Variants in DAB1 observed in about 807,000 individuals in gnomAD.
DAB1 encodes DAB adaptor protein 1.
DAB1 carries 15 observed loss-of-function variants against 64.6 expected under a neutral mutation model. That is an observed-to-expected ratio of 0.23 (90% CI 0.16 to 0.36). The LOEUF (loss-of-function observed/expected upper bound fraction) is 0.36. Ranked by LOEUF, DAB1 falls within the 10% of genes least tolerant of loss-of-function variation. The probability of loss-of-function intolerance (pLI) is 1.00; values close to 1 mark genes in which losing one functional copy is unlikely to be tolerated. For missense variants in DAB1, 596 were observed against 706.7 expected (o/e 0.84, Z 1.78); for synonymous variants, 235 against 251.9 (o/e 0.93, Z 0.64).
intron 6 of DAB1, among the ~76,000 whole-genome samples, chr1:57,715,948 T>C (rs1647079128): frequency 1.3e-5 from 2 of 152,236 alleles, no homozygotes; most frequent in Admixed American, 1.3e-4. Context: ...TCTTGCCTTG[T>C]TGCCCAGGCT....
intron 1 of DAB1, among the ~76,000 whole-genome samples, chr1:57,854,813 A>G (rs1251519380): frequency 6.6e-6 from 1 of 152,138 alleles, no homozygotes; most frequent in Non-Finnish European, 1.5e-5. Flanking sequence ...AGAGACAGGG[A>G]ATTTAAAACA....
intron 4 of DAB1, among the ~76,000 whole-genome samples, chr1:58,225,627 C>T (rs1181284290): frequency 7.0e-6 from 1 of 143,084 alleles, no homozygotes; most frequent in Non-Finnish European, 1.5e-5. Flanking sequence ...GAATACTATG[C>T]AGCCATAAAA....
At chr1:58,342,746 C>G (rs1643954007) in intron 4 of DAB1, among the ~76,000 whole-genome samples, 1 of 152,148 alleles carries the variant, frequency 6.6e-6, no homozygotes, top group Admixed American at 6.6e-5. Flanking sequence ...CCCTTTCCAT[C>G]AAAACATATT....
chr1:58,240,665 A>G (rs1660253319), intron 4 of DAB1, among the ~76,000 whole-genome samples: 1 of 152,208 alleles, frequency 6.6e-6, no homozygotes, highest in Non-Finnish European at 1.5e-5. Context: ...AGTTGTAAAC[A>G]AAGAAAGAAA....
At chr1:58,210,117 G>C (rs1658480857) in intron 4 of DAB1, among the ~76,000 whole-genome samples, 2 of 152,144 alleles carry the variant, frequency 1.3e-5, no homozygotes, top group South Asian at 4.1e-4. Context: ...AACAACTCTT[G>C]AGGTTGATAT....
At chr1:57,138,493 A>G (rs1227014640) in intron 3 of DAB1, among the ~76,000 whole-genome samples, 1 of 152,136 alleles carries the variant, frequency 6.6e-6, no homozygotes, top group Non-Finnish European at 1.5e-5. Flanking sequence ...AAGCTGCTCC[A>G]TATTGATATA....
intron 1 of DAB1, among the ~76,000 whole-genome samples, chr1:57,300,716 A>G (rs868435036): frequency 2.6e-5 from 4 of 152,322 alleles, no homozygotes; most frequent in African/African-American, 7.2e-5. Context: ...GGAGGCCCGA[A>G]GAAAATCCAC....
rs927311714 is a variant in DAB1 at position 57,873,541 on chromosome 1, G to T, written n.87+10458C>A. On this transcript the variant is annotated intron_variant and non_coding_transcript_variant, in intron 1 of 1. Coordinates refer to the DAB1 transcript ENST00000477280. ...GGTGGCATTTAATCTTGAAATTGTA[G>T]ATGGGTACAATTTAGCCTTGCAGAA... is the stretch of plus-strand genomic sequence containing the variant. Among the ~76,000 whole-genome samples, 3 of 152,204 alleles carry T rather than the reference G, an allele frequency of 2.0e-5. No individual in the cohort carries two copies. The South Asian group carries it at 6.2e-4, about 32-fold the overall frequency.
At chr1:58,143,404 T>G (rs1419147185) in intron 5 of DAB1, among the ~76,000 whole-genome samples, 1 of 152,196 alleles carries the variant, frequency 6.6e-6, no homozygotes, top group Non-Finnish European at 1.5e-5. Context: ...AAGATTATGC[T>G]ACATAACAGC....
chr1:57,636,451 T>A (rs1646058727), intron 7 of DAB1, among the ~76,000 whole-genome samples: 1 of 152,168 alleles, frequency 6.6e-6, no homozygotes, highest in Admixed American at 6.5e-5. Context: ...GGAGGACATT[T>A]GAAAGGATAC....
At chr1:58,000,216 T>C (rs1269920125) in intron 5 of DAB1, among the ~76,000 whole-genome samples, 1 of 152,202 alleles carries the variant, frequency 6.6e-6, no homozygotes, top group Non-Finnish European at 1.5e-5. Context: ...AAGTCTTCAG[T>C]GTATCATACT....
At chr1:57,541,108 T>C (rs1168396744) in intron 7 of DAB1, among the ~76,000 whole-genome samples, 2 of 151,600 alleles carry the variant, frequency 1.3e-5, no homozygotes, top group Admixed American at 6.6e-5. Context: ...ACAAACATTA[T>C]GTATCAAAAA....
At chr1:57,554,338 A>T (rs1162184153) in intron 7 of DAB1, among the ~76,000 whole-genome samples, 3 of 152,302 alleles carry the variant, frequency 2.0e-5, no homozygotes, top group Admixed American at 6.5e-5. Flanking sequence ...AGTCGCTTGA[A>T]TTTTCCTAGC....
intron 5 of DAB1, among the ~76,000 whole-genome samples, chr1:58,054,591 C>T (rs1279896210): frequency 1.3e-5 from 2 of 152,232 alleles, no homozygotes; most frequent in East Asian, 3.8e-4. Flanking sequence ...CCATTATCAG[C>T]TCATTGGCTG....
intron 4 of DAB1, among the ~76,000 whole-genome samples, chr1:58,292,003 A>G (rs1188457538): frequency 6.6e-6 from 1 of 152,216 alleles, no homozygotes; most frequent in African/African-American, 2.4e-5. Flanking sequence ...AGCATCATTC[A>G]ATCCATTGAG....
intron 7 of DAB1, among the ~76,000 whole-genome samples, chr1:57,582,078 A>G (rs1215718707): frequency 6.6e-6 from 1 of 152,176 alleles, no homozygotes; most frequent in Non-Finnish European, 1.5e-5. Context: ...TACTCTTAAA[A>G]GGGCACTAAT....
intron 6 of DAB1, among the ~76,000 whole-genome samples, chr1:57,796,625 T>C (rs1301454705): frequency 6.6e-6 from 1 of 151,816 alleles, no homozygotes; most frequent in Non-Finnish European, 1.5e-5. Context: ...TAATATAGTG[T>C]CCAGATACAC....
At chr1:58,018,988 T>G (rs1646780673) in intron 5 of DAB1, among the ~76,000 whole-genome samples, 1 of 152,148 alleles carries the variant, frequency 6.6e-6, no homozygotes, top group Admixed American at 6.6e-5. Context: ...CCATGAGACT[T>G]AGAGTTAGGA....
intron 5 of DAB1, among the ~76,000 whole-genome samples, chr1:58,060,524 C>T (rs892171629): frequency 2.6e-5 from 4 of 152,208 alleles, no homozygotes; most frequent in Admixed American, 2.6e-4. Context: ...AGCCACCTCA[C>T]AGGGTAGATA....
Sources: gnomAD v4.1 joint callset for allele counts (sites outside exome capture counted in the v4.1 genomes callset) on GRCh38, gnomAD v4.1.1 for gene constraint, MANE v1.5 for transcripts, NCBI Gene and HGNC (gene_info 2026-07-23, HGNC 2026-07-21) for gene names.